The following BOC variants were observed in gnomAD, a reference collection of about 807,000 sequenced individuals.
BOC encodes BOC cell adhesion associated, oncogene regulated, also known as brother of CDO.
In BOC, 76 loss-of-function variants were observed where a neutral mutation model predicts 112.0. The ratio of observed to expected loss-of-function variants is 0.68; its 90% CI spans 0.56 to 0.82. The LOEUF (loss-of-function observed/expected upper bound fraction) is 0.82. BOC is among the 40% of genes least tolerant of loss of function. BOC has a pLI of 0.00. For synonymous variants in BOC, 580 were observed against 599.8 expected (o/e 0.97, Z 0.48); for missense variants, 1,309 against 1,511.7 (o/e 0.87, Z 2.22).
chr3:113,279,547 T>C (rs1948992223), intron 12 of BOC, 92 bp downstream of exon 12: 1 of 1,283,786 alleles, frequency 7.8e-7, no homozygotes, highest in Non-Finnish European at 1.1e-6. Flanking sequence ...TCCCCTTCTC[T>C]CGGCCCAGGC....
At chr3:113,252,270 C>T (rs1443965995) in intron 4 of BOC, among the ~76,000 whole-genome samples, 1 of 152,172 alleles carries the variant, frequency 6.6e-6, no homozygotes, top group African/African-American at 2.4e-5. Context: ...TGGATTTAAA[C>T]TTTGAGAAGA....
Position 113,284,399 on chromosome 3 carries a change from G to A in BOC, c.2721G>A (p.Val907=). 6.2e-7 allele frequency: 1 copy of A among 1,614,208 alleles called. No homozygotes were observed. The highest frequency in any genetic ancestry group is 8.5e-7 in the Non-Finnish European group (1 of 1,180,028). ...ALPPSCPYTM[V]PLGGLPGHQA... ...CACCCTCCTGCCCGTATACTATGGT[G>A]CCATTGGGAGGACTCCCAGGCCACC... The change falls in exon 17 of 20, where the codon GTG becomes GTA. Residue 907 remains valine, a synonymous_variant. Transcript: ENST00000682979.
At chr3:113,272,305 G>A (rs1443929413) in intron 6 of BOC, 105 bp from the exon 7 acceptor site, 11 of 1,272,166 alleles carry the variant, frequency 8.6e-6, no homozygotes, top group East Asian at 2.3e-5. Context: ...ACCCGGAATG[G>A]CTGTTTGATC....
chr3:113,283,988 A>C (rs1441623118), intron 16 of BOC, among the ~76,000 whole-genome samples: 1 of 151,910 alleles, frequency 6.6e-6, no homozygotes, highest in Non-Finnish European at 1.5e-5. Context: ...TCTATCCTGG[A>C]ATCTGACTTT....
intron 19 of BOC, among the ~76,000 whole-genome samples, chr3:113,285,843 A>G (rs185654576): frequency 4.7e-4 from 72 of 152,308 alleles, no homozygotes; most frequent in African/African-American, 1.7e-3. Flanking sequence ...TTTCAGAGAA[A>G]AAAGCCCTTT....
chr3:113,247,780 G>A (rs1945118168), intron 2 of BOC, among the ~76,000 whole-genome samples: 1 of 152,116 alleles, frequency 6.6e-6, no homozygotes, highest in African/African-American at 2.4e-5. Context: ...CCTCCCAATT[G>A]TACTCACATC....
chr3:113,287,148 A>G lies in BOC; in HGVS notation c.*286A>G, dbSNP rs1949764965. ...CAGACTCCTAACCTGGGGCCTCTGC[A>G]GTGGCAGGCGAGGCTGCAGGAGGCC... On this transcript the variant is annotated 3_prime_UTR_variant, in exon 20 of 20. Transcript: ENST00000682979. 2 of 446,642 alleles carry G rather than the reference A, an allele frequency of 4.5e-6. No individual in the cohort carries two copies. The highest frequency in any genetic ancestry group is 2.0e-5 in the African/African-American group (1 of 48,854). 27.7% of individuals were successfully genotyped at this position (446,642 alleles called of 1,614,324 possible).
intron 2 of BOC, among the ~76,000 whole-genome samples, chr3:113,238,061 T>A (rs1457335856): frequency 6.6e-6 from 1 of 151,824 alleles, no homozygotes; most frequent in Non-Finnish European, 1.5e-5. Context: ...TTATATAAGG[T>A]GTGTGAGATG....
chr3:113,252,563 C>T (rs529790456), intron 4 of BOC, among the ~76,000 whole-genome samples: 28 of 152,276 alleles, frequency 1.8e-4, no homozygotes, highest in South Asian at 6.2e-4. Flanking sequence ...AAAGCCCCTA[C>T]GTGCCCTCCA....
chr3:113,281,529 A>G (rs1949200545), intron 15 of BOC, among the ~76,000 whole-genome samples: 1 of 152,228 alleles, frequency 6.6e-6, no homozygotes. Context: ...AGGAAGCTGT[A>G]TACTGCAGCC....
At chr3:113,250,016 A>C (rs1476418430) in intron 3 of BOC, 117 bp downstream of exon 3, 4 of 838,506 alleles carry the variant, frequency 4.8e-6, no homozygotes, top group Non-Finnish European at 3.8e-6. Context: ...CTTTATTCCC[A>C]TTGGCCTTCA....
chr3:113,285,712 G>C (rs1180131215), intron 19 of BOC, 147 bp downstream of exon 19: 14 of 836,454 alleles, frequency 1.7e-5, no homozygotes, highest in Non-Finnish European at 2.5e-5. Flanking sequence ...GGGCATCGAG[G>C]GTGGCTGGCC....
At chr3:113,219,057 G>C (rs1305830743) in intron 2 of BOC, among the ~76,000 whole-genome samples, 1 of 152,226 alleles carries the variant, frequency 6.6e-6, no homozygotes, top group Non-Finnish European at 1.5e-5. Flanking sequence ...ATTGTGATGG[G>C]GTTAATGTGT....
In BOC at chr3:113,272,444, C is replaced by A. The variant is rs774403634; in HGVS notation, c.702C>A (p.Pro234=). ...CTGAGGCTGCCCGCATCATCTACCC[C>A]CCAGAGGCCCAAACCATCATCGTCA... ...STAEAARIIY[P]PEAQTIIVTK... is the part of the protein sequence containing the mutation. Residue 234 remains proline, a synonymous_variant, in exon 7 of 20, where the codon CCC becomes CCA. Coordinates refer to ENST00000682979, the MANE Select transcript of BOC (RefSeq NM_001378074.1). 3.0e-5 allele frequency: 49 copies of A among 1,613,996 alleles called. No individual in the cohort carries two copies. In the South Asian group the frequency reaches 3.5e-4, roughly 12 times the overall value.
At chr3:113,249,621 C>A in intron 2 of BOC, 101 bp from the exon 3 acceptor site, 1 of 524,220 alleles carries the variant, frequency 1.9e-6, no homozygotes, top group South Asian at 2.8e-5. Context: ...TTGAATGTTG[C>A]CAACAGGGAA....
At chr3:113,230,601 T>C (rs975474732) in intron 2 of BOC, among the ~76,000 whole-genome samples, 3 of 152,244 alleles carry the variant, frequency 2.0e-5, no homozygotes, top group Non-Finnish European at 4.4e-5. Flanking sequence ...TTAGACAAGA[T>C]CATTCATATG....
Position 113,232,696 on chromosome 3 carries a change from C to T in BOC, c.-82+16422C>T, listed in dbSNP as rs1051950393. Among the ~76,000 whole-genome samples, 3 of 152,186 alleles carry T rather than the reference C, an allele frequency of 2.0e-5. No individual in the cohort carries two copies. In the South Asian group the frequency reaches 6.2e-4, roughly 32 times the overall value. On this transcript the variant is annotated intron_variant, in intron 2 of 19. Transcript: ENST00000682979. The stretch of plus-strand genomic sequence containing the variant: ...AGGTATCCAGCCCCTGAGATATTGC[C>T]TCTTCTTAAATATTTTTTGTGAAGT...
At chr3:113,284,182 G>A (rs1949458224) in intron 16 of BOC, among the ~76,000 whole-genome samples, 153 bp from the exon 17 acceptor site, 1 of 152,138 alleles carries the variant, frequency 6.6e-6, no homozygotes, top group South Asian at 2.1e-4. Context: ...GACTCTAGGA[G>A]AAAATGTTCT....
Position 113,250,538 on chromosome 3 carries a change from C to T in BOC, c.98-17C>T, listed in dbSNP as rs1945487735. On this transcript the variant is annotated splice_polypyrimidine_tract_variant and intron_variant, in intron 3 of 19. Transcript: ENST00000682979. ...TGGGGGCATCAGTTCATTGCTGCAT[C>T]CCTGTTCTTCCTCCAGACGAGGTCC... 1 of 1,596,672 alleles carries T rather than the reference C, an allele frequency of 6.3e-7. No homozygotes were observed. The highest frequency in any genetic ancestry group is 1.3e-5 in the African/African-American group (1 of 74,592).
Sources: allele counts gnomAD v4.1 joint callset (sites outside exome capture counted in the v4.1 genomes callset), GRCh38; gene constraint gnomAD v4.1.1; transcripts MANE v1.5; gene names NCBI Gene and HGNC (gene_info 2026-07-23, HGNC 2026-07-21).